CAMK1D: variants seen among roughly 807,000 people sequenced by gnomAD.
CAMK1D encodes the protein calcium/calmodulin-dependent protein kinase type 1D.
In CAMK1D, 9 loss-of-function variants were observed where a neutral mutation model predicts 47.7. The ratio of observed to expected loss-of-function variants is 0.19; its 90% CI spans 0.11 to 0.33. The LOEUF is 0.33. Ranked by LOEUF, CAMK1D falls within the 10% of genes least tolerant of loss-of-function variation. CAMK1D has a pLI of 1.00. For synonymous variants in CAMK1D, 184 were observed against 184.9 expected, an observed-to-expected ratio of 0.99 and a Z score of 0.04; for missense variants, 291 against 488.7, an observed-to-expected ratio of 0.60 and a Z score of 3.81.
At chr10:12,565,889 G>A (rs1837109252) in intron 2 of CAMK1D, among the ~76,000 whole-genome samples, 1 of 151,878 alleles carries the variant, frequency 6.6e-6, no homozygotes, top group Admixed American at 6.6e-5. Context: ...CTTGATATAG[G>A]CAATAGCCCA....
chr10:12,702,813 G>A (rs1178214228), intron 3 of CAMK1D, among the ~76,000 whole-genome samples: 1 of 152,192 alleles, frequency 6.6e-6, no homozygotes, highest in East Asian at 1.9e-4. Context: ...GGGGCACATT[G>A]TCCCATTTTG....
chr10:12,480,489 A>T (rs935160813), intron 1 of CAMK1D, among the ~76,000 whole-genome samples: 3 of 152,190 alleles, frequency 2.0e-5, no homozygotes, highest in African/African-American at 7.2e-5. Flanking sequence ...ACAAAATCCT[A>T]TAGAGCCATT....
intron 6 of CAMK1D, among the ~76,000 whole-genome samples, chr10:12,798,571 G>T (rs2131023402): frequency 6.6e-6 from 1 of 152,302 alleles, no homozygotes. Flanking sequence ...GTGAGAATCT[G>T]CCAGGAGAGA....
chr10:12,825,786 T>C, intron 10 of CAMK1D, 96 bp downstream of exon 10: 3 of 1,585,202 alleles, frequency 1.9e-6, no homozygotes, highest in Non-Finnish European at 2.6e-6. Flanking sequence ...ACCTCCTGTT[T>C]GCCAGGCGCT....
At chr10:12,810,568 C>A (rs1832562741) in intron 6 of CAMK1D, among the ~76,000 whole-genome samples, 1 of 152,332 alleles carries the variant, frequency 6.6e-6, no homozygotes, top group African/African-American at 2.4e-5. Context: ...AGCCACCACA[C>A]CCGGCCCAGG....
rs1252356582 is a variant in CAMK1D at position 12,666,891 on chromosome 10, G to A, written c.299+81G>A. 5 of 1,169,566 alleles carry A rather than the reference G, an allele frequency of 4.3e-6. No homozygotes were observed. In the Admixed American group the frequency reaches 8.9e-5, roughly 21 times the overall value. 72.4% of individuals were successfully genotyped at this position (1,169,566 alleles called of 1,614,324 possible). A position where few individuals can be genotyped will look rare whatever the true frequency, so the allele number is the denominator to read the frequency against. On this transcript the variant is annotated intron_variant, in intron 3 of 10. Coordinates refer to ENST00000619168, the MANE Select transcript of CAMK1D (RefSeq NM_153498.4). ...AAAGGGATCAGGTGGGAAAAGAAGTGATTGAAGTGGGCCAGGTAAGGCAGT... is the reference window on the plus strand; with the variant it reads ...AAAGGGATCAGGTGGGAAAAGAAGTAATTGAAGTGGGCCAGGTAAGGCAGT...
chr10:12,575,729 C>T (rs536498604), intron 2 of CAMK1D, among the ~76,000 whole-genome samples: 6 of 152,264 alleles, frequency 3.9e-5, no homozygotes, highest in South Asian at 2.1e-4. Flanking sequence ...CCCAGGGACC[C>T]GTGGACCCCC....
At chr10:12,407,976 G>A (rs891021976) in intron 1 of CAMK1D, among the ~76,000 whole-genome samples, 1 of 149,756 alleles carries the variant, frequency 6.7e-6, no homozygotes, top group Non-Finnish European at 1.5e-5. Flanking sequence ...TACTGCCTCA[G>A]CCTCCTGAGT....
chr10:12,476,253 C>T (rs1489545176), intron 1 of CAMK1D, among the ~76,000 whole-genome samples: 1 of 151,052 alleles, frequency 6.6e-6, no homozygotes, highest in Non-Finnish European at 1.5e-5. Context: ...GATCACACCA[C>T]CGCACTCTAG....
chr10:12,412,802 T>C (rs1839710311), intron 1 of CAMK1D, among the ~76,000 whole-genome samples: 1 of 151,606 alleles, frequency 6.6e-6, no homozygotes, highest in Admixed American at 6.6e-5. Context: ...GGGTGTTTGG[T>C]ACTGAGTTTT....
At chr10:12,614,817 T>TCTCA (rs1318767682) in intron 2 of CAMK1D, among the ~76,000 whole-genome samples, 2 of 152,192 alleles carry the variant, frequency 1.3e-5, no homozygotes, top group Non-Finnish European at 2.9e-5. Flanking sequence ...ATCGGATGTG[T>TCTCA]CTCATATCCT....
At chr10:12,353,667 A>G (rs566030436) in intron 1 of CAMK1D, among the ~76,000 whole-genome samples, 1 of 152,294 alleles carries the variant, frequency 6.6e-6, no homozygotes, top group African/African-American at 2.4e-5. Flanking sequence ...GTCAGGTCTC[A>G]GGGACAAACC....
intron 1 of CAMK1D, among the ~76,000 whole-genome samples, chr10:12,491,156 T>TGTGTGTGTGTGTGTGTGTCTGCGTGC (rs1328924371): frequency 3.3e-5 from 5 of 151,774 alleles, no homozygotes; most frequent in African/African-American, 9.7e-5. Flanking sequence ...AGTATGTGTG[T>TGTGTGTGTGTGTGTGTGTCTGCGTGC]GTGTGTGTGT....
Position 12,443,630 on chromosome 10 carries a change from A to AT in CAMK1D, c.92+93731dup, listed in dbSNP as rs939125716. ...GACTGCTGGTTTCCTATTTTATTTT[A>AT]TTTTTTTTTTTATTTTTGAGACGGA... On this transcript the variant is annotated intron_variant, in intron 1 of 10. Coordinates refer to ENST00000619168, the MANE Select transcript of CAMK1D (RefSeq NM_153498.4). Among the ~76,000 whole-genome samples, 450 of 148,154 alleles carry AT rather than the reference A, an allele frequency of 3.0e-3. 1 individual carries two copies. Among genetic ancestry groups the AT allele is most frequent in the Middle Eastern group, 0.01 (3 of 288 alleles).
At chr10:12,822,001 G>A (rs1833030418) in intron 8 of CAMK1D, among the ~76,000 whole-genome samples, 1 of 152,034 alleles carries the variant, frequency 6.6e-6, no homozygotes, top group Non-Finnish European at 1.5e-5. Flanking sequence ...GAAAAGCAAG[G>A]GAGACATGAA....
chr10:12,560,541 A>G (rs1025194671), intron 2 of CAMK1D, among the ~76,000 whole-genome samples: 1 of 145,926 alleles, frequency 6.9e-6, no homozygotes, highest in Non-Finnish European at 1.5e-5. Flanking sequence ...CAACGAGAGG[A>G]AAACTCTATC....
At chr10:12,734,342 AAAAATATATATATATAT>A (rs1280029878) in intron 3 of CAMK1D, among the ~76,000 whole-genome samples, 23 of 18,450 alleles carry the variant, frequency 1.2e-3, no homozygotes, top group Admixed American at 2.3e-3. Flanking sequence ...AAAAAAAAAA[AAAAATATATATATATAT>A]ATATATATAT....
intron 2 of CAMK1D, among the ~76,000 whole-genome samples, chr10:12,611,883 G>T (rs1173364350): frequency 2.0e-5 from 3 of 152,060 alleles, no homozygotes; most frequent in African/African-American, 7.2e-5. Flanking sequence ...GTGAGCCACC[G>T]CGCCCAGCCC....
chr10:12,387,380 ATTATATATATTATATATTT>A (rs1339328257), intron 1 of CAMK1D, among the ~76,000 whole-genome samples: 3 of 31,838 alleles, frequency 9.4e-5, no homozygotes, highest in Non-Finnish European at 2.3e-4. Context: ...TATATTATAT[ATTATATATATTATATATTT>A]TTATATATTA....
Sources: gnomAD v4.1 joint callset for allele counts (sites outside exome capture counted in the v4.1 genomes callset) on GRCh38, gnomAD v4.1.1 for gene constraint, MANE v1.5 for transcripts, NCBI Gene and HGNC (gene_info 2026-07-23, HGNC 2026-07-21) for gene names.